The following SEC23IP variants were observed in gnomAD, a reference collection of about 807,000 sequenced individuals.
SEC23IP encodes the protein SEC23 interacting protein.
In SEC23IP, 70 loss-of-function variants were observed where a neutral mutation model predicts 113.4. The ratio of observed to expected loss-of-function variants is 0.62; its 90% confidence interval spans 0.51 to 0.75. The LOEUF (loss-of-function observed/expected upper bound fraction) is 0.75, where lower values mean the gene tolerates loss of function less well. SEC23IP is among the 30% of genes least tolerant of loss of function. The pLI is 0.00. For missense variants in SEC23IP, 1,160 were observed against 1,204.9 expected (o/e 0.96, Z 0.55); for synonymous variants, 398 against 421.0 (o/e 0.95, Z 0.67).
chr10:119,905,145 A>G (rs1238273379), intron 4 of SEC23IP, among the ~76,000 whole-genome samples: 1 of 152,160 alleles, frequency 6.6e-6, no homozygotes, highest in Non-Finnish European at 1.5e-5. Flanking sequence ...AGAAAAAAAA[A>G]AAGTATATAT....
chr10:119,892,992 G>C, intron 1 of SEC23IP, 47 bp downstream of exon 1: 2 of 1,570,834 alleles, frequency 1.3e-6, no homozygotes, highest in Non-Finnish European at 1.7e-6. Flanking sequence ...GCGGGCGGGG[G>C]ACGTGCAATG....
intron 18 of SEC23IP, among the ~76,000 whole-genome samples, chr10:119,938,587 T>C (rs1443516534): frequency 6.6e-6 from 1 of 152,208 alleles, no homozygotes; most frequent in African/African-American, 2.4e-5. Flanking sequence ...TTTTAATAAT[T>C]GTAATTTTTT....
At chr10:119,932,775 C>G (rs947616467) in intron 16 of SEC23IP, among the ~76,000 whole-genome samples, 4 of 152,162 alleles carry the variant, frequency 2.6e-5, no homozygotes, top group African/African-American at 4.8e-5. Context: ...ACAATGCTTT[C>G]TCACCCCTTA....
At chr10:119,905,005 A>C (rs1854616326) in intron 4 of SEC23IP, among the ~76,000 whole-genome samples, 1 of 152,122 alleles carries the variant, frequency 6.6e-6, no homozygotes, top group East Asian at 1.9e-4. Flanking sequence ...GTGGTGGCAC[A>C]CGCTAGTAGT....
In SEC23IP at chr10:119,933,674, T is replaced by G; in HGVS notation, c.2922-12T>G. The G allele has an allele frequency of 7.0e-7, 1 of 1,427,024 alleles. No individual in the cohort carries two copies. Among genetic ancestry groups the G allele is most frequent in the Non-Finnish European group, 9.9e-7 (1 of 1,011,596 alleles). The allele number at this position is 1,427,024 out of a possible 1,614,324, so 88.4% of individuals were successfully genotyped here. A position where few individuals can be genotyped will look rare whatever the true frequency, so the allele number is the denominator to read the frequency against. ...ATTGTCTCTTAAGTAAATATGCTTT[T>G]CCTTTTCATAGGGAATCTGAAGATA... On this transcript the variant is annotated splice_polypyrimidine_tract_variant and intron_variant, in intron 17 of 18. Coordinates refer to ENST00000369075, the MANE Select transcript of SEC23IP (RefSeq NM_007190.4).
Position 119,929,546 on chromosome 10 carries a change from A to C in SEC23IP, c.2314-61A>C. The C allele has an allele frequency of 2.0e-6, 3 of 1,476,844 alleles. No individual in the cohort carries two copies. In the South Asian group the frequency reaches 3.5e-5, roughly 17 times the overall value. 91.5% of individuals were successfully genotyped at this position (1,476,844 alleles called of 1,614,324 possible). The stretch of plus-strand genomic sequence containing the variant: ...ACCACGCCCGGCCTGAAAATTCAAA[A>C]GAATTTTCTACTAGGTGACATTGGA... On this transcript the variant is annotated intron_variant, in intron 13 of 18. Transcript: ENST00000369075.
In SEC23IP at chr10:119,898,776, AC is replaced by A; in HGVS notation, c.517del (p.Gln173LysfsTer107). On this transcript the variant is annotated frameshift_variant, in exon 2 of 19. Coordinates refer to ENST00000369075, the MANE Select transcript of SEC23IP (RefSeq NM_007190.4). LOFTEE classifies it high-confidence loss of function. ...SLPPSYFGNQPQGIPQPGYNP... is the reference protein window; with the variant it reads ...SLPPSYFGNQXQGIPQPGYNP... ...TCCCTCCTTCATATTTTGGGAACCAACCCCAAGGAATTCCCCAACCAGGATA... is the reference window on the plus strand; with the variant it reads ...TCCCTCCTTCATATTTTGGGAACCAACCCAAGGAATTCCCCAACCAGGATA... The A allele has an allele frequency of 6.2e-7, 1 of 1,614,042 alleles. No homozygotes were observed. Among genetic ancestry groups the A allele is most frequent in the Non-Finnish European group, 8.5e-7 (1 of 1,179,998 alleles).
chr10:119,896,771 A>G (rs1044407861), intron 1 of SEC23IP, among the ~76,000 whole-genome samples: 11 of 149,284 alleles, frequency 7.4e-5, no homozygotes, highest in African/African-American at 2.8e-4. Flanking sequence ...GAAAGATACC[A>G]CTGAGTTTTT....
intron 2 of SEC23IP, among the ~76,000 whole-genome samples, chr10:119,900,410 A>G (rs1447176086): frequency 6.6e-6 from 1 of 151,702 alleles, no homozygotes; most frequent in African/African-American, 2.4e-5. Flanking sequence ...CTCAGGTTCA[A>G]GTGATCCCCC....
chr10:119,893,818 C>T (rs1401518119), intron 1 of SEC23IP, among the ~76,000 whole-genome samples: 2 of 152,184 alleles, frequency 1.3e-5, no homozygotes, highest in Non-Finnish European at 2.9e-5. Context: ...CCACCCATTC[C>T]TCATCTTTCA....
chr10:119,907,295 CAA>C (rs942833361), intron 4 of SEC23IP, among the ~76,000 whole-genome samples: 1 of 138,710 alleles, frequency 7.2e-6, no homozygotes, highest in Non-Finnish European at 1.6e-5. Context: ...GACTCCATCT[CAA>C]AAAAAAAAAG....
At chr10:119,907,435 T>C (rs1489186837) in intron 4 of SEC23IP, among the ~76,000 whole-genome samples, 3 of 152,192 alleles carry the variant, frequency 2.0e-5, no homozygotes, top group African/African-American at 4.8e-5. Context: ...AAAGACTTTG[T>C]AACAATTTTT....
At chr10:119,923,698 G>T (rs1855325102) in intron 12 of SEC23IP, among the ~76,000 whole-genome samples, 1 of 151,980 alleles carries the variant, frequency 6.6e-6, no homozygotes, top group Non-Finnish European at 1.5e-5. Flanking sequence ...ATAGGCGTCT[G>T]CCACCACACC....
intron 12 of SEC23IP, among the ~76,000 whole-genome samples, chr10:119,921,476 C>A (rs1855249079): frequency 6.6e-6 from 1 of 152,100 alleles, no homozygotes; most frequent in Non-Finnish European, 1.5e-5. Flanking sequence ...CCTTTGTTTT[C>A]TTCATTTCTA....
At chr10:119,919,855 C>T (rs760605928) in intron 11 of SEC23IP, among the ~76,000 whole-genome samples, 47 of 152,166 alleles carry the variant, frequency 3.1e-4, no homozygotes, top group Non-Finnish European at 5.4e-4. Flanking sequence ...GCCAGTGATA[C>T]ATTTGCAACA....
intron 14 of SEC23IP, 139 bp from the exon 15 acceptor site, chr10:119,930,190 T>G: frequency 2.0e-6 from 1 of 495,362 alleles, no homozygotes; most frequent in Non-Finnish European, 3.6e-6. Flanking sequence ...TTCATAATTG[T>G]CAGTATTTGA....
intron 4 of SEC23IP, among the ~76,000 whole-genome samples, chr10:119,906,005 G>T (rs1348545550): frequency 6.6e-6 from 1 of 152,124 alleles, no homozygotes; most frequent in Non-Finnish European, 1.5e-5. Flanking sequence ...GCTGGGCGTG[G>T]TGGCTCCTGC....
chr10:119,926,120 G>C lies in SEC23IP; in HGVS notation c.2206G>C (p.Ala736Pro). 2 of 1,614,096 alleles carry C rather than the reference G, an allele frequency of 1.2e-6. No individual in the cohort carries two copies. Among genetic ancestry groups the C allele is most frequent in the Non-Finnish European group, 1.7e-6 (2 of 1,180,000 alleles). ...AAGTGCCCAGAAGACTAAAGACATG[G>C]CTTCCCTCCCCTCAGAATCCAATGA... Reference protein sequence around the residue: ...EQSAQKTKDMASLPSESNEPK... With the variant: ...EQSAQKTKDMPSLPSESNEPK... Residue 736 changes from alanine to proline, a missense_variant, in exon 13 of 19, where the codon GCT becomes CCT. Ala to Pro is a conservative substitution (Grantham distance 27, BLOSUM62 -1). Coordinates refer to ENST00000369075, the MANE Select transcript of SEC23IP (RefSeq NM_007190.4).
rs201078544 is a variant in SEC23IP at position 119,898,709 on chromosome 10, T to G, written c.446T>G (p.Leu149Arg). Residue 149 changes from leucine (L) to arginine (R), a missense_variant, in exon 2 of 19, where the codon CTG becomes CGG. Transcript: ENST00000369075. ...KAQPGAPPSS[L>R]MGINSYLPSQ... ...CAACCTGGTGCTCCACCTTCCTCAC[T>G]GATGGGAATAAATTCTTATCTGCCT... 1.2e-6 allele frequency: 2 copies of G among 1,614,250 alleles called. No individual in the cohort carries two copies. The highest frequency in any genetic ancestry group is 2.2e-5 in the East Asian group (1 of 44,886).
Sources: allele counts gnomAD v4.1 joint callset (sites outside exome capture counted in the v4.1 genomes callset), GRCh38; gene constraint gnomAD v4.1.1; transcripts MANE v1.5; gene names NCBI Gene and HGNC (gene_info 2026-07-23, HGNC 2026-07-21).